Variants in KCNIP4 observed in about 807,000 individuals in gnomAD.
The protein encoded by KCNIP4 is Kv channel-interacting protein 4.
Under a neutral mutation model 34.0 loss-of-function variants are expected in KCNIP4, and 12 were observed. That is an observed-to-expected ratio of 0.35 (90% CI 0.23 to 0.57). The LOEUF is 0.57. KCNIP4 is among the 20% of genes least tolerant of loss of function. KCNIP4 has a pLI of 0.83. For missense variants in KCNIP4, 238 were observed against 311.7 expected (o/e 0.76, Z 1.78); for synonymous variants, 124 against 102.2 (o/e 1.21, Z -1.29).
At chr4:20,995,838 C>T (rs1737506064) in intron 1 of KCNIP4, among the ~76,000 whole-genome samples, 1 of 152,064 alleles carries the variant, frequency 6.6e-6, no homozygotes, top group East Asian at 1.9e-4. Context: ...GACTGTGGGG[C>T]ATGAAGGGTG....
intron 1 of KCNIP4, among the ~76,000 whole-genome samples, chr4:21,391,851 G>C (rs1221108941): frequency 1.3e-5 from 2 of 152,230 alleles, no homozygotes; most frequent in Admixed American, 6.5e-5. Context: ...TGCTGTGTAA[G>C]TGTGATGTTC....
intron 1 of KCNIP4, among the ~76,000 whole-genome samples, chr4:21,888,900 A>C (rs780230876): frequency 1.3e-5 from 2 of 152,120 alleles, no homozygotes; most frequent in Non-Finnish European, 2.9e-5. Context: ...GTCAAGTTTT[A>C]CTTTTACTAC....
At chr4:20,840,160 G>C (rs778449113) in intron 3 of KCNIP4, among the ~76,000 whole-genome samples, 20 of 152,120 alleles carry the variant, frequency 1.3e-4, no homozygotes, top group Non-Finnish European at 1.9e-4. Context: ...TCATTGCTGG[G>C]AGAATTAAGC....
At chr4:21,478,217 A>C (rs1473988686) in intron 1 of KCNIP4, among the ~76,000 whole-genome samples, 1 of 151,410 alleles carries the variant, frequency 6.6e-6, no homozygotes, top group African/African-American at 2.4e-5. Context: ...AAGATACAGA[A>C]CCCTAGGCTC....
chr4:20,882,091 T>C (rs6850182), intron 2 of KCNIP4, among the ~76,000 whole-genome samples: 81,933 of 152,104 alleles, frequency 0.54, 23,658 homozygotes, highest in East Asian at 0.71. Context: ...TGAGTATGTA[T>C]TGGTTCTGTT....
intron 1 of KCNIP4, among the ~76,000 whole-genome samples, chr4:21,275,615 A>T (rs1409090719): frequency 6.6e-6 from 1 of 152,228 alleles, no homozygotes; most frequent in African/African-American, 2.4e-5. Flanking sequence ...TTTTATACAG[A>T]TAAGGAGGAC....
At chr4:21,638,144 T>C (rs555894524) in intron 1 of KCNIP4, among the ~76,000 whole-genome samples, 2 of 152,256 alleles carry the variant, frequency 1.3e-5, no homozygotes, top group South Asian at 4.1e-4. Context: ...GAAGGAAATG[T>C]TTTCTAGAAG....
At chr4:21,872,942 T>C (rs888547594) in intron 1 of KCNIP4, among the ~76,000 whole-genome samples, 1 of 152,210 alleles carries the variant, frequency 6.6e-6, no homozygotes, top group Non-Finnish European at 1.5e-5. Flanking sequence ...CACTTGGAAG[T>C]GGTCTGGAAC....
chr4:21,678,126 T>C (rs867210033), intron 1 of KCNIP4, among the ~76,000 whole-genome samples: 1 of 152,102 alleles, frequency 6.6e-6, no homozygotes, highest in African/African-American at 2.4e-5. Context: ...TGGTAAGTAT[T>C]GCAGGCTTTG....
rs73802440 is a variant in KCNIP4 at position 21,052,119 on chromosome 4, T to C, written c.62-169410A>G. Among the ~76,000 whole-genome samples, 1,320 of 152,306 alleles carry C rather than the reference T, an allele frequency of 8.7e-3. 12 individuals are homozygous for C. Among genetic ancestry groups the C allele is most frequent in the African/African-American group, 0.028 (1,173 of 41,562 alleles). ...CCTTGTTTTTTGTCTGTTCCTATCC[T>C]AGTATACCAAATTATCATCATATTC... On this transcript the variant is annotated intron_variant, in intron 1 of 8. Coordinates refer to ENST00000382152, the MANE Select transcript of KCNIP4 (RefSeq NM_025221.6).
intron 1 of KCNIP4, among the ~76,000 whole-genome samples, chr4:21,073,041 T>C (rs1469865139): frequency 7.9e-5 from 12 of 152,216 alleles, no homozygotes; most frequent in Admixed American, 7.9e-4. Flanking sequence ...CTGTTTTAGT[T>C]GCTGTAGCCT....
chr4:21,752,064 C>A (rs1489543957), intron 1 of KCNIP4, among the ~76,000 whole-genome samples: 2 of 152,062 alleles, frequency 1.3e-5, no homozygotes, highest in African/African-American at 4.8e-5. Flanking sequence ...ATATGAGATT[C>A]CACAAAGCTT....
intron 1 of KCNIP4, among the ~76,000 whole-genome samples, chr4:21,009,075 T>G (rs1160420428): frequency 6.6e-6 from 1 of 152,160 alleles, no homozygotes; most frequent in Non-Finnish European, 1.5e-5. Context: ...AATGATCAAA[T>G]AGAGTGAGCT....
chr4:21,931,235 GC>G (rs1729545885), intron 1 of KCNIP4, among the ~76,000 whole-genome samples: 1 of 17,058 alleles, frequency 5.9e-5, no homozygotes, highest in African/African-American at 7.7e-5. Context: ...TTGAAGCTCA[GC>G]TTTTTTTTTT....
chr4:20,827,127 G>A (rs571334526), intron 3 of KCNIP4, among the ~76,000 whole-genome samples: 2 of 152,280 alleles, frequency 1.3e-5, no homozygotes, highest in South Asian at 2.1e-4. Flanking sequence ...GCATAGTGGA[G>A]TTCCCCTTCT....
At chr4:21,800,046 C>G (rs1465322733) in intron 1 of KCNIP4, among the ~76,000 whole-genome samples, 1 of 152,162 alleles carries the variant, frequency 6.6e-6, no homozygotes, top group Non-Finnish European at 1.5e-5. Context: ...TAAAGATAAT[C>G]TCTATATACA....
At chr4:21,293,992 CT>C (rs1449652001) in intron 1 of KCNIP4, among the ~76,000 whole-genome samples, 1 of 152,128 alleles carries the variant, frequency 6.6e-6, no homozygotes, top group Non-Finnish European at 1.5e-5. Context: ...TTGACCACTT[CT>C]AGTTATATGA....
intron 3 of KCNIP4, among the ~76,000 whole-genome samples, chr4:20,807,989 G>A (rs1004826099): frequency 1.1e-4 from 16 of 152,144 alleles, no homozygotes; most frequent in African/African-American, 3.9e-4. Context: ...ACAATGTAGT[G>A]AAGGCAGTTT....
intron 1 of KCNIP4, among the ~76,000 whole-genome samples, chr4:21,569,234 TAAAAAAAAAAAAAAAAAAA>T (rs71191521): frequency 4.0e-5 from 1 of 25,176 alleles, no homozygotes; most frequent in Admixed American, 8.9e-4. Flanking sequence ...ACTGATATTC[TAAAAAAAAAAAAAAAAAAA>T]AAAAAAAAAA....
Sources: gnomAD v4.1 joint callset for allele counts (sites outside exome capture counted in the v4.1 genomes callset) on GRCh38, gnomAD v4.1.1 for gene constraint, MANE v1.5 for transcripts, NCBI Gene and HGNC (gene_info 2026-07-23, HGNC 2026-07-21) for gene names.